Variants in EPB41 observed in about 807,000 individuals in gnomAD.
The protein encoded by EPB41 is erythrocyte membrane protein band 4.1, also known as protein 4.1.
A neutral mutation model predicts 108.0 loss-of-function variants in EPB41; 65 were observed. The ratio of observed to expected loss-of-function variants is 0.60; its 90% CI spans 0.49 to 0.74. The LOEUF is 0.74. EPB41 is among the 30% of genes least tolerant of loss of function. EPB41 has a pLI of 0.00. For missense variants in EPB41, 875 were observed against 1,037.0 expected (o/e 0.84, Z 2.15); for synonymous variants, 336 against 358.9 (o/e 0.94, Z 0.72).
intron 11 of EPB41, among the ~76,000 whole-genome samples, chr1:29,044,561 G>A (rs1642582210): frequency 1.3e-5 from 2 of 152,036 alleles, no homozygotes; most frequent in Admixed American, 1.3e-4. Flanking sequence ...ATAAATATTG[G>A]CTGGATGTGG....
intron 1 of EPB41, among the ~76,000 whole-genome samples, chr1:28,905,822 T>C (rs552228552): frequency 1.5e-4 from 23 of 148,442 alleles, no homozygotes; most frequent in South Asian, 1.5e-3. Context: ...TTCTTTCTTT[T>C]TTTTTTTTTT....
At chr1:29,088,968 A>T (rs531348865) in intron 16 of EPB41, among the ~76,000 whole-genome samples, 2 of 152,316 alleles carry the variant, frequency 1.3e-5, no homozygotes, top group East Asian at 3.9e-4. Flanking sequence ...ATACATAAGT[A>T]AAATAAATAG....
chr1:28,991,756 G>A (rs1557941051), intron 2 of EPB41, among the ~76,000 whole-genome samples: 1 of 151,004 alleles, frequency 6.6e-6, no homozygotes, highest in Admixed American at 6.6e-5. Context: ...AAGCCAGACT[G>A]GTATGTGACT....
intron 18 of EPB41, among the ~76,000 whole-genome samples, chr1:29,110,355 AAAAAC>A (rs1297487155): frequency 6.6e-5 from 10 of 152,212 alleles, no homozygotes; most frequent in Admixed American, 2.6e-4. Context: ...CTATCTCTGT[AAAAAC>A]AAAACAAAAC....
At chr1:28,938,772 C>T (rs1408412997) in intron 1 of EPB41, among the ~76,000 whole-genome samples, 8 of 151,998 alleles carry the variant, frequency 5.3e-5, no homozygotes, top group African/African-American at 1.9e-4. Context: ...GGCTCAAGTG[C>T]TAGGATTACA....
rs1168534765 is a variant in EPB41 at position 28,971,328 on chromosome 1, C to T, written c.-7-16103C>T. On this transcript the variant is annotated intron_variant, in intron 1 of 20. Transcript: ENST00000343067. ...CCTCCCAAGTAGCTGGGATTACAAGCGCCTGCCACCATGCCTGGCTAATTT... is the reference window on the plus strand; with the variant it reads ...CCTCCCAAGTAGCTGGGATTACAAGTGCCTGCCACCATGCCTGGCTAATTT... Among the ~76,000 whole-genome samples the T allele has an allele frequency of 3.3e-5, 5 of 151,692 alleles. No individual in the cohort carries two copies. The South Asian group carries it at 8.3e-4, about 25-fold the overall frequency.
intron 19 of EPB41, among the ~76,000 whole-genome samples, chr1:29,113,557 GT>G (rs1669911338): frequency 6.6e-6 from 1 of 152,202 alleles, no homozygotes; most frequent in Non-Finnish European, 1.5e-5. Flanking sequence ...CCCCTGCTAC[GT>G]GCTCAGTCTG....
At position 28,887,278 on chromosome 1, in the gene EPB41, C is replaced by T. The variant is rs2089522003; in HGVS notation, c.-8+68C>T. On this transcript the variant is annotated intron_variant, in intron 1 of 16. Transcript: ENST00000347529. The surrounding 1 kb of genome is among the most constrained non-coding windows in gnomAD (Gnocchi z 4.9). The stretch of plus-strand genomic sequence containing the variant: ...GGGACGGGGTTAGGGACAGAAGAAC[C>T]TACCCCCAAGGGCTCGGACCGTCCC... 1 of 1,257,222 alleles carries T rather than the reference C, an allele frequency of 8.0e-7. No homozygotes were observed. The highest frequency in any genetic ancestry group is 5.7e-5 in the East Asian group (1 of 17,466). 77.9% of individuals were successfully genotyped at this position (1,257,222 alleles called of 1,614,324 possible).
chr1:29,048,507 G>A (rs1013778653), intron 11 of EPB41, among the ~76,000 whole-genome samples: 5 of 151,976 alleles, frequency 3.3e-5, no homozygotes, highest in Non-Finnish European at 5.9e-5. Flanking sequence ...CACCGCGCCC[G>A]GCCTATTATT....
chr1:28,980,845 G>A (rs1287259516), intron 1 of EPB41, among the ~76,000 whole-genome samples: 2 of 142,396 alleles, frequency 1.4e-5, no homozygotes, highest in African/African-American at 5.2e-5. Flanking sequence ...CACCCAGGCT[G>A]GAATGCAGTG....
chr1:29,091,036 C>G (rs1435876105), intron 16 of EPB41, among the ~76,000 whole-genome samples: 2 of 152,148 alleles, frequency 1.3e-5, no homozygotes, highest in African/African-American at 4.8e-5. Flanking sequence ...GTTGAAATTA[C>G]TGTGGCTAGG....
At chr1:28,947,267 G>A (rs1189378941) in intron 1 of EPB41, among the ~76,000 whole-genome samples, 1 of 152,122 alleles carries the variant, frequency 6.6e-6, no homozygotes, top group African/African-American at 2.4e-5. Flanking sequence ...AATTAGCTGG[G>A]TGTGGTGGCG....
intron 4 of EPB41, among the ~76,000 whole-genome samples, chr1:29,003,165 C>G (rs2096333315): frequency 6.6e-6 from 1 of 152,200 alleles, no homozygotes. Flanking sequence ...AAGACCTTCT[C>G]TAGAAGTACA....
At chr1:28,924,964 C>A (rs1205817292) in intron 1 of EPB41, among the ~76,000 whole-genome samples, 1 of 128,332 alleles carries the variant, frequency 7.8e-6, no homozygotes, top group Non-Finnish European at 1.7e-5. Flanking sequence ...GCCTGGCTAA[C>A]TTTTTTTTTT....
intron 11 of EPB41, among the ~76,000 whole-genome samples, chr1:29,042,811 C>G (rs527648665): frequency 1.2e-4 from 18 of 152,008 alleles, no homozygotes; most frequent in African/African-American, 4.1e-4. Flanking sequence ...TCCTGAGGGG[C>G]TGTTTTAATA....
intron 11 of EPB41, among the ~76,000 whole-genome samples, chr1:29,051,589 C>T (rs1034677061): frequency 2.6e-5 from 4 of 151,742 alleles, no homozygotes; most frequent in African/African-American, 9.7e-5. Context: ...GATTTCCATG[C>T]AAATTGATTA....
In EPB41 at chr1:29,090,665, G is replaced by A. The variant is rs181339601; in HGVS notation, c.2185-7142G>A. Among the ~76,000 whole-genome samples, 7 of 152,296 alleles carry A rather than the reference G, an allele frequency of 4.6e-5. No homozygotes were observed. In the East Asian group the frequency reaches 9.7e-4, roughly 21 times the overall value. On this transcript the variant is annotated intron_variant, in intron 16 of 20. Transcript: ENST00000343067. ...CTCGGGAGGCTGAGGCAAGAGAATC[G>A]CTTGAACCTGGGAGGCAGAGGTTGC...
chr1:28,927,170 AGCTTTTAGCAG>A (rs1468309159), intron 1 of EPB41, among the ~76,000 whole-genome samples: 1 of 152,242 alleles, frequency 6.6e-6, no homozygotes, highest in Non-Finnish European at 1.5e-5. Context: ...TCTGAAGTGT[AGCTTTTAGCAG>A]TTACAGAAAG....
At chr1:28,966,581 G>T (rs1333487444) in intron 1 of EPB41, among the ~76,000 whole-genome samples, 1 of 152,184 alleles carries the variant, frequency 6.6e-6, no homozygotes, top group African/African-American at 2.4e-5. Context: ...TGTCATTAAA[G>T]AGTAGTTAAG....
Sources: gnomAD v4.1 joint callset for allele counts (sites outside exome capture counted in the v4.1 genomes callset) on GRCh38, gnomAD v4.1.1 for gene constraint, Gnocchi (gnomAD v3.1) non-coding constraint, MANE v1.5 for transcripts, NCBI Gene and HGNC (gene_info 2026-07-23, HGNC 2026-07-21) for gene names.